The following CACNG4 variants were observed in gnomAD, a reference collection of about 807,000 sequenced individuals.
CACNG4 encodes calcium voltage-gated channel auxiliary subunit gamma 4, also known as voltage-dependent calcium channel gamma-4 subunit.
In CACNG4, 8 loss-of-function variants were observed where a neutral mutation model predicts 22.9. The ratio of observed to expected loss-of-function variants is 0.35; its 90% confidence interval spans 0.21 to 0.63. The LOEUF (loss-of-function observed/expected upper bound fraction) is 0.63. CACNG4 is among the 30% of genes least tolerant of loss of function. The pLI is 0.72. For synonymous variants in CACNG4, 188 were observed against 191.9 expected, an observed-to-expected ratio of 0.98 and a Z score of 0.17; for missense variants, 357 against 455.4, an observed-to-expected ratio of 0.78 and a Z score of 1.97.
Position 67,014,701 on chromosome 17 carries a change from C to T in CACNG4, c.221-3488C>T, listed in dbSNP as rs561433014. Among the ~76,000 whole-genome samples, 219 of 152,176 alleles carry T rather than the reference C, an allele frequency of 1.4e-3. 1 individual carries two copies. Among genetic ancestry groups the T allele is most frequent in the African/African-American group, 4.9e-3 (202 of 41,512 alleles). The stretch of plus-strand genomic sequence containing the variant: ...CCTGTAATCCCAGCACTTTGGGAGG[C>T]CACGGTGGGTGGATTGCTTGAGGTC... On this transcript the variant is annotated intron_variant, in intron 1 of 3. Coordinates refer to ENST00000262138, the MANE Select transcript of CACNG4 (RefSeq NM_014405.4).
chr17:66,992,924 A>T (rs1348632744), intron 1 of CACNG4, among the ~76,000 whole-genome samples: 1 of 152,262 alleles, frequency 6.6e-6, no homozygotes, highest in Non-Finnish European at 1.5e-5. Context: ...CCCAGGTAGA[A>T]CCATCACCCA....
At position 67,018,190 on chromosome 17, in the gene CACNG4, G is replaced by C. The variant is rs372687382; in HGVS notation, c.222G>C (p.Gly74=). Reference sequence around the variant, plus strand: ...TTCTTTTCCTCTCGTTCCTTCCAGGGATCTATAAAGGGCACTGCTTCCGGA... The same window carrying C: ...TTCTTTTCCTCTCGTTCCTTCCAGGCATCTATAAAGGGCACTGCTTCCGGA... The part of the protein sequence containing the change: ...SGLWRVCCIE[G]IYKGHCFRIN... The change falls in exon 2 of 4, where the codon GGG becomes GGC. Residue 74 remains glycine (G), a splice_region_variant and synonymous_variant. Coordinates refer to ENST00000262138, the MANE Select transcript of CACNG4 (RefSeq NM_014405.4). The C allele has an allele frequency of 6.1e-5, 98 of 1,612,574 alleles. No homozygotes were observed. Among genetic ancestry groups the C allele is most frequent in the Non-Finnish European group, 8.1e-5 (95 of 1,178,716 alleles).
At chr17:67,010,060 C>T (rs2035460157) in intron 1 of CACNG4, among the ~76,000 whole-genome samples, 1 of 152,076 alleles carries the variant, frequency 6.6e-6, no homozygotes, top group African/African-American at 2.4e-5. Flanking sequence ...GGAACCTTCA[C>T]ACCTTTGCCC....
chr17:67,001,536 C>A (rs576347400), intron 1 of CACNG4, among the ~76,000 whole-genome samples: 1 of 152,304 alleles, frequency 6.6e-6, no homozygotes, highest in South Asian at 2.1e-4. Context: ...CTCTGAGTAG[C>A]CTCCCTGACC....
intron 1 of CACNG4, among the ~76,000 whole-genome samples, chr17:66,974,856 C>G (rs1176874117): frequency 6.6e-6 from 1 of 152,112 alleles, no homozygotes; most frequent in Non-Finnish European, 1.5e-5. Flanking sequence ...TTTCCTCCCC[C>G]ATTAGTCCAC....
chr17:66,979,629 A>G (rs1324734479), intron 1 of CACNG4, among the ~76,000 whole-genome samples: 1 of 152,186 alleles, frequency 6.6e-6, no homozygotes, highest in African/African-American at 2.4e-5. Flanking sequence ...TCTGTGATGC[A>G]GAGAGGAAAA....
chr17:67,008,808 G>A (rs539496691), intron 1 of CACNG4, among the ~76,000 whole-genome samples: 1 of 152,256 alleles, frequency 6.6e-6, no homozygotes, highest in Admixed American at 6.5e-5. Flanking sequence ...ACTTAGCCAG[G>A]CATGGTGGCA....
At chr17:66,966,409 T>C (rs957327400) in intron 1 of CACNG4, among the ~76,000 whole-genome samples, 1 of 152,314 alleles carries the variant, frequency 6.6e-6, no homozygotes, top group South Asian at 2.1e-4. Context: ...GCCCCTCGGT[T>C]GTTCGGGAAG....
intron 1 of CACNG4, among the ~76,000 whole-genome samples, chr17:67,007,056 TCCCAG>T (rs1230420648): frequency 6.6e-6 from 1 of 152,098 alleles, no homozygotes; most frequent in African/African-American, 2.4e-5. Flanking sequence ...GTGCCTATAG[TCCCAG>T]CTACTCAGGA....
At chr17:66,967,958 C>A (rs962187254) in intron 1 of CACNG4, among the ~76,000 whole-genome samples, 2 of 152,212 alleles carry the variant, frequency 1.3e-5, no homozygotes, top group Non-Finnish European at 2.9e-5. Context: ...TCTTTCTACC[C>A]CTCAAATCAA....
Position 67,031,242 on chromosome 17 carries a change from T to G in CACNG4, c.*238T>G. 2 of 643,602 alleles carry G rather than the reference T, an allele frequency of 3.1e-6. No individual in the cohort carries two copies. Among genetic ancestry groups the G allele is most frequent in the South Asian group, 3.2e-5 (2 of 61,988 alleles). 39.9% of individuals were successfully genotyped at this position (643,602 alleles called of 1,614,324 possible). ...CCCTCCCCGAAAAAGGGTGTTTTGA[T>G]GCCTCAGGGTCTCTGAAATCTCCCG... On this transcript the variant is annotated 3_prime_UTR_variant, in exon 4 of 4. Coordinates refer to ENST00000262138, the MANE Select transcript of CACNG4 (RefSeq NM_014405.4). The surrounding 1 kb of genome is among the most constrained non-coding windows in gnomAD (Gnocchi z 4.0).
At chr17:66,977,411 T>C (rs975293354) in intron 1 of CACNG4, among the ~76,000 whole-genome samples, 1 of 152,200 alleles carries the variant, frequency 6.6e-6, no homozygotes, top group Non-Finnish European at 1.5e-5. Flanking sequence ...GTCTGTGTGA[T>C]GGTCAATAGG....
rs199620115 is a variant in CACNG4 at position 67,024,864 on chromosome 17, C to T, written c.309C>T (p.Ile103=). 3.7e-4 allele frequency: 568 copies of T among 1,549,292 alleles called. 10 individuals carry two copies. In the South Asian group the frequency reaches 4.2e-3, roughly 12 times the overall value. The part of the protein sequence containing the change: ...DHDSSEYLLR[I]VRASSVFPIL... ...GCCCCCCACCTCCCCGGCCAGGCAT[C>T]GTGCGAGCCTCCAGCGTCTTCCCCA... Residue 103 remains isoleucine, a synonymous_variant, in exon 3 of 4, where the codon ATC becomes ATT. Transcript: ENST00000262138.
chr17:67,023,819 T>C (rs1598124855), intron 2 of CACNG4, among the ~76,000 whole-genome samples: 1 of 149,240 alleles, frequency 6.7e-6, no homozygotes, highest in Non-Finnish European at 1.5e-5. Flanking sequence ...TCAGGTGATC[T>C]GCCTGCCTTG....
rs770943935 is a variant in CACNG4 at position 66,964,968 on chromosome 17, C to A, written c.57C>A (p.Ala19=). Residue 19 remains alanine (A), a synonymous_variant, in exon 1 of 4, where the codon GCC becomes GCA. Transcript: ENST00000262138. The part of the protein sequence containing the change: ...QMLLTTAGAF[A]AFSLMAIAIG... ...TGCTGACCACGGCCGGAGCCTTCGCCGCCTTCTCGCTCATGGCCATCGCCA... is the reference window on the plus strand; with the variant it reads ...TGCTGACCACGGCCGGAGCCTTCGCAGCCTTCTCGCTCATGGCCATCGCCA... 1 of 1,609,828 alleles carries A rather than the reference C, an allele frequency of 6.2e-7. No individual in the cohort carries two copies. The highest frequency in any genetic ancestry group is 1.1e-5 in the South Asian group (1 of 90,918).
At chr17:67,009,139 C>G (rs1307622493) in intron 1 of CACNG4, among the ~76,000 whole-genome samples, 1 of 152,136 alleles carries the variant, frequency 6.6e-6, no homozygotes, top group African/African-American at 2.4e-5. Flanking sequence ...AGAAGCAAGG[C>G]AGAGTCATGG....
intron 1 of CACNG4, among the ~76,000 whole-genome samples, chr17:66,967,603 A>G (rs2035178177): frequency 6.6e-6 from 1 of 152,174 alleles, no homozygotes. Flanking sequence ...GTTGGCTTTC[A>G]TGTATAAGAT....
chr17:67,017,930 C>T (rs2035509810), intron 1 of CACNG4, among the ~76,000 whole-genome samples: 5 of 152,118 alleles, frequency 3.3e-5, no homozygotes, highest in South Asian at 2.1e-4. Flanking sequence ...TTATTCATGC[C>T]GGGTCCCATT....
chr17:66,978,233 C>T (rs570728678), intron 1 of CACNG4, among the ~76,000 whole-genome samples: 1 of 152,300 alleles, frequency 6.6e-6, no homozygotes, highest in African/African-American at 2.4e-5. Flanking sequence ...GCTTTCTCTG[C>T]AATATGGGGT....
Sources: gnomAD v4.1 joint callset for allele counts (sites outside exome capture counted in the v4.1 genomes callset) on GRCh38, gnomAD v4.1.1 for gene constraint, Gnocchi (gnomAD v3.1) non-coding constraint, MANE v1.5 for transcripts, NCBI Gene and HGNC (gene_info 2026-07-23, HGNC 2026-07-21) for gene names.